TENM3: variants seen among roughly 807,000 people sequenced by gnomAD.
TENM3 encodes teneurin transmembrane protein 3, also known as teneurin-3.
In TENM3, 63 loss-of-function variants were observed where a neutral mutation model predicts 255.1. That is an observed-to-expected ratio of 0.25 (90% CI 0.20 to 0.30). The LOEUF (loss-of-function observed/expected upper bound fraction) is 0.30, where lower values mean the gene tolerates loss of function less well. Among genes scored for constraint, TENM3 ranks in the 10% least tolerant of loss-of-function variants. The probability of loss-of-function intolerance (pLI) is 1.00; values close to 1 mark genes in which losing one functional copy is unlikely to be tolerated. For synonymous variants in TENM3, 1,306 were observed against 1,322.3 expected, an observed-to-expected ratio of 0.99 and a Z score of 0.27; for missense variants, 2,929 against 3,461.1, an observed-to-expected ratio of 0.85 and a Z score of 3.86.
the TENM3 span, among the ~76,000 whole-genome samples, chr4:181,566,506 A>C: frequency 1.3e-5 from 2 of 152,030 alleles, no homozygotes; most frequent in Non-Finnish European, 2.9e-5. Flanking sequence ...TCAGGATATA[A>C]TACCATCAGT....
chr4:181,501,970 C>T, the TENM3 span, among the ~76,000 whole-genome samples: 1 of 152,144 alleles, frequency 6.6e-6, no homozygotes, highest in Non-Finnish European at 1.5e-5. Flanking sequence ...AGGACACTCA[C>T]AAGCATTCGG....
chr4:181,618,023 A>T, the TENM3 span, among the ~76,000 whole-genome samples: 1 of 152,204 alleles, frequency 6.6e-6, no homozygotes, highest in African/African-American at 2.4e-5. Context: ...CACCCTACCT[A>T]CATATACATA....
chr4:182,339,464 G>T (rs1003353071), intron 2 of TENM3, among the ~76,000 whole-genome samples: 1 of 152,122 alleles, frequency 6.6e-6, no homozygotes, highest in Non-Finnish European at 1.5e-5. Flanking sequence ...ACTAATTTTG[G>T]CTGTTAAGTA....
chr4:182,348,781 T>A lies in TENM3; in HGVS notation c.511+1852T>A, dbSNP rs527764296. The stretch of plus-strand genomic sequence containing the variant: ...ATCTCATGGTGGATCCCCAAACATA[T>A]GTATTTTTTTTTCTTTTTGGAAAAT... On this transcript the variant is annotated intron_variant, in intron 3 of 27. Coordinates refer to ENST00000511685, the MANE Select transcript of TENM3 (RefSeq NM_001080477.4). 4.6e-5 allele frequency among the ~76,000 whole-genome samples: 7 copies of A among 152,300 alleles called. No homozygotes were observed. In the East Asian group the frequency reaches 1.2e-3, roughly 25 times the overall value.
chr4:181,656,126 G>A, the TENM3 span, among the ~76,000 whole-genome samples: 2 of 152,110 alleles, frequency 1.3e-5, no homozygotes, highest in African/African-American at 4.8e-5. Flanking sequence ...CATTGTAACG[G>A]CGAGCCTTGG....
chr4:181,507,335 T>C, the TENM3 span, among the ~76,000 whole-genome samples: 1 of 152,294 alleles, frequency 6.6e-6, no homozygotes, highest in East Asian at 1.9e-4. Context: ...TCTTAAACAG[T>C]AGACAAGTCA....
intron 26 of TENM3, among the ~76,000 whole-genome samples, 173 bp downstream of exon 26, chr4:182,794,058 G>GA (rs1248065943): frequency 1.3e-5 from 2 of 152,106 alleles, no homozygotes; most frequent in Non-Finnish European, 2.9e-5. Flanking sequence ...ATCACAAAGG[G>GA]AAAATGAGAC....
intron 19 of TENM3, among the ~76,000 whole-genome samples, chr4:182,746,597 C>A (rs1561193475): frequency 6.6e-6 from 1 of 152,020 alleles, no homozygotes. Flanking sequence ...ACAGTGGGGA[C>A]CCATTTTAGG....
chr4:182,271,966 C>A (rs1759659505), intron 1 of TENM3, among the ~76,000 whole-genome samples: 1 of 152,180 alleles, frequency 6.6e-6, no homozygotes, highest in African/African-American at 2.4e-5. Flanking sequence ...TGCCCTTGCG[C>A]AGTCCTCGTG....
chr4:181,499,459 C>T, the TENM3 span, among the ~76,000 whole-genome samples: 2 of 152,076 alleles, frequency 1.3e-5, no homozygotes, highest in East Asian at 1.9e-4. Context: ...TCCATGCCAT[C>T]GTTGTTATCT....
At chr4:181,853,800 C>T in the TENM3 span, among the ~76,000 whole-genome samples, 1 of 152,310 alleles carries the variant, frequency 6.6e-6, no homozygotes, top group South Asian at 2.1e-4. Flanking sequence ...TGGCAGATTG[C>T]TCTGCCCAGC....
intron 12 of TENM3, chr4:182,697,792 A>G (rs1757541843): frequency 6.6e-6 from 1 of 152,162 alleles, no homozygotes; most frequent in South Asian, 2.1e-4. Flanking sequence ...TGTAATTTTT[A>G]AAAGAAGAGG....
At chr4:181,483,808 C>T in the TENM3 span, among the ~76,000 whole-genome samples, 12 of 152,190 alleles carry the variant, frequency 7.9e-5, no homozygotes, top group South Asian at 2.3e-3. Context: ...AAAGGCTATG[C>T]GGTAATTGTG....
At chr4:182,475,310 A>G (rs1733571648) in intron 3 of TENM3, among the ~76,000 whole-genome samples, 1 of 152,216 alleles carries the variant, frequency 6.6e-6, no homozygotes, top group Non-Finnish European at 1.5e-5. Flanking sequence ...TTTAAAATAT[A>G]TCAGTGATTA....
chr4:182,234,464 G>C (rs1756771474), intron 1 of TENM3, among the ~76,000 whole-genome samples: 1 of 152,194 alleles, frequency 6.6e-6, no homozygotes, highest in South Asian at 2.1e-4. Flanking sequence ...CCTGTGCAGT[G>C]GCTCACGCCT....
At chr4:182,321,349 G>A (rs1045709216) in intron 1 of TENM3, among the ~76,000 whole-genome samples, 1 of 152,156 alleles carries the variant, frequency 6.6e-6, no homozygotes, top group Non-Finnish European at 1.5e-5. Flanking sequence ...CTTGGGGCCG[G>A]GCGCGGTGGC....
intron 5 of TENM3, among the ~76,000 whole-genome samples, chr4:182,634,809 C>A (rs764622587): frequency 6.6e-6 from 1 of 151,286 alleles, no homozygotes; most frequent in Non-Finnish European, 1.5e-5. Flanking sequence ...TTCACCGTTA[C>A]ACGATGGGTA....
chr4:182,367,864 C>T (rs1333923870), intron 3 of TENM3, among the ~76,000 whole-genome samples: 1 of 152,100 alleles, frequency 6.6e-6, no homozygotes, highest in East Asian at 1.9e-4. Flanking sequence ...AGATCAAGTT[C>T]AGGATCAAAA....
intron 3 of TENM3, among the ~76,000 whole-genome samples, chr4:182,469,115 A>G (rs1356996042): frequency 2.0e-5 from 3 of 152,124 alleles, no homozygotes; most frequent in Admixed American, 6.6e-5. Context: ...TGCATCTCCA[A>G]TGGAAACATT....
Sources: allele counts gnomAD v4.1 joint callset (sites outside exome capture counted in the v4.1 genomes callset), GRCh38; gene constraint gnomAD v4.1.1; transcripts MANE v1.5; gene names NCBI Gene and HGNC (gene_info 2026-07-23, HGNC 2026-07-21).